Variants in MAP2 observed in about 807,000 individuals in gnomAD.
MAP2 encodes the protein microtubule-associated protein 2.
MAP2 carries 14 observed loss-of-function variants against 137.6 expected under a neutral mutation model. The observed-to-expected ratio is 0.10, with a 90% CI of 0.07 to 0.16. The LOEUF is 0.16. MAP2 is among the 10% of genes least tolerant of loss of function. The pLI, the probability that MAP2 is intolerant of heterozygous loss-of-function variation, is 1.00. For synonymous variants in MAP2, 786 were observed against 782.3 expected, an observed-to-expected ratio of 1.00 and a Z score of -0.08; for missense variants, 2,088 against 2,191.5, an observed-to-expected ratio of 0.95 and a Z score of 0.94.
intron 1 of MAP2, among the ~76,000 whole-genome samples, chr2:209,490,984 C>T (rs942564983): frequency 6.6e-6 from 1 of 152,174 alleles, no homozygotes; most frequent in Non-Finnish European, 1.5e-5. Flanking sequence ...CACCCCAAAT[C>T]AACTGAATAT....
At chr2:209,519,994 T>C (rs1172872606) in intron 2 of MAP2, among the ~76,000 whole-genome samples, 1 of 152,042 alleles carries the variant, frequency 6.6e-6, no homozygotes, top group Non-Finnish European at 1.5e-5. Flanking sequence ...AATTTCTACT[T>C]GAAATGTGTT....
chr2:209,524,792 G>A (rs1476188162), intron 2 of MAP2, among the ~76,000 whole-genome samples: 2 of 152,046 alleles, frequency 1.3e-5, no homozygotes, highest in Non-Finnish European at 2.9e-5. Flanking sequence ...ATTTATTTAT[G>A]AATAAGCTTC....
At chr2:209,451,399 C>G (rs1000873175) in intron 1 of MAP2, among the ~76,000 whole-genome samples, 2 of 152,114 alleles carry the variant, frequency 1.3e-5, no homozygotes, top group African/African-American at 4.8e-5. Flanking sequence ...TTTATTTCCC[C>G]CTTCCCTCCA....
intron 3 of MAP2, among the ~76,000 whole-genome samples, chr2:209,585,791 A>G (rs894391961): frequency 2.4e-4 from 36 of 152,184 alleles, no homozygotes; most frequent in African/African-American, 8.4e-4. Flanking sequence ...TTAAAACAAA[A>G]TCACTGTATT....
rs575507759 is a variant in MAP2 at position 209,704,303 on chromosome 2, C to T, written c.4585-1277C>T. 254 of 648,836 alleles carry T rather than the reference C, an allele frequency of 3.9e-4. 2 individuals carry two copies. In the Middle Eastern group the frequency reaches 5.4e-3, roughly 14 times the overall value. 40.2% of individuals were successfully genotyped at this position (648,836 alleles called of 1,614,324 possible). Reference sequence around the variant, plus strand: ...GAAAATCTCTTCTCATCTAAGTACACATCTCTATCATTGATTATAACCATT... The same window carrying T: ...GAAAATCTCTTCTCATCTAAGTACATATCTCTATCATTGATTATAACCATT... On this transcript the variant is annotated intron_variant, in intron 11 of 15. Transcript: ENST00000682079.
intron 3 of MAP2, among the ~76,000 whole-genome samples, chr2:209,590,149 A>G (rs1378875688): frequency 6.6e-6 from 1 of 152,078 alleles, no homozygotes; most frequent in Admixed American, 6.6e-5. Context: ...TTAGCACACC[A>G]GGGATACTGA....
At chr2:209,434,871 ATG>A (rs1695391202) in intron 1 of MAP2, among the ~76,000 whole-genome samples, 1 of 95,330 alleles carries the variant, frequency 1.0e-5, no homozygotes, top group African/African-American at 3.6e-5. Context: ...TGTTATATAT[ATG>A]TTATATATAT....
intron 3 of MAP2, among the ~76,000 whole-genome samples, chr2:209,610,024 G>A (rs942404825): frequency 1.3e-5 from 2 of 152,012 alleles, no homozygotes; most frequent in African/African-American, 4.8e-5. Flanking sequence ...CAGTTTAATT[G>A]GGAATAAGCT....
In MAP2 at chr2:209,651,720, G is replaced by A. The variant is rs1196005155; in HGVS notation, c.-29-1422G>A. 3.3e-5 allele frequency among the ~76,000 whole-genome samples: 5 copies of A among 152,152 alleles called. No homozygotes were observed. The East Asian group carries it at 5.8e-4, about 18-fold the overall frequency. ...GTTCTTAGGGAAAATAAATAGAGCT[G>A]TTTTGAGAATCAGTTTTGGGAGAGA... On this transcript the variant is annotated intron_variant, in intron 4 of 15. Transcript: ENST00000682079.
intron 2 of MAP2, among the ~76,000 whole-genome samples, chr2:209,508,684 A>G (rs1430045635): frequency 6.6e-6 from 1 of 151,676 alleles, no homozygotes; most frequent in Non-Finnish European, 1.5e-5. Flanking sequence ...ATCTGTATCG[A>G]ATGAAGCAAA....
intron 3 of MAP2, among the ~76,000 whole-genome samples, chr2:209,582,443 C>T (rs1191100542): frequency 6.6e-6 from 1 of 152,086 alleles, no homozygotes; most frequent in Non-Finnish European, 1.5e-5. Context: ...TGCCAAACTG[C>T]AGCCTGAGCT....
At position 209,731,585 on chromosome 2, in the gene MAP2, A is replaced by G. The variant is rs1353961386; in HGVS notation, c.*1188A>G. ...ACAGGATAGTTTGGGGTTTATTCCT[A>G]TTATTATTCATGAAACCGACTTAAG... On this transcript the variant is annotated 3_prime_UTR_variant, in exon 16 of 16. Transcript: ENST00000682079. 3 of 152,538 alleles carry G rather than the reference A, an allele frequency of 2.0e-5. No homozygotes were observed. The highest frequency in any genetic ancestry group is 4.4e-5 in the Non-Finnish European group (3 of 68,016). 9.4% of individuals were successfully genotyped at this position (152,538 alleles called of 1,614,324 possible).
intron 5 of MAP2, chr2:209,661,668 A>C: frequency 1.0e-6 from 1 of 985,464 alleles, no homozygotes. Flanking sequence ...TAGAAAAGGC[A>C]GTTCCACGAG....
chr2:209,710,065 A>G lies in MAP2; in HGVS notation c.4884A>G (p.Thr1628=). 6.2e-7 allele frequency: 1 copy of G among 1,613,808 alleles called. No homozygotes were observed. Among genetic ancestry groups the G allele is most frequent in the Non-Finnish European group, 8.5e-7 (1 of 1,179,958 alleles). Residue 1628 remains threonine, a synonymous_variant, in exon 13 of 16, where the codon ACA becomes ACG. Coordinates refer to ENST00000682079, the MANE Select transcript of MAP2 (RefSeq NM_001375505.1). ...GTPSYPRTPH[T]PGTPKSAILV... ...CTAGCTATCCCAGGACCCCTCACACACCAGGAACCCCCAAGTCTGCCATCT... is the reference window on the plus strand; with the variant it reads ...CTAGCTATCCCAGGACCCCTCACACGCCAGGAACCCCCAAGTCTGCCATCT...
chr2:209,425,885 C>A (rs200694508), intron 1 of MAP2, among the ~76,000 whole-genome samples: 4 of 152,234 alleles, frequency 2.6e-5, no homozygotes, highest in Non-Finnish European at 4.4e-5. Context: ...TAACACAAAG[C>A]AGCCCTTTAA....
rs1037543369 is a variant in MAP2, at chr2:209,434,909, T to TTA, written c.-222+10641_-222+10642dup. ...GTTATATATATGTTATATATATATG[T>TTA]TATATATATGTTATATATATATGTT... On this transcript the variant is annotated intron_variant, in intron 1 of 15. Coordinates refer to ENST00000682079, the MANE Select transcript of MAP2 (RefSeq NM_001375505.1). Among the ~76,000 whole-genome samples the TTA allele has an allele frequency of 2.1e-3, 279 of 134,748 alleles. 4 individuals are homozygous for TTA. The highest frequency in any genetic ancestry group is 8.1e-3 in the Middle Eastern group (2 of 248). 88.4% of individuals were successfully genotyped at this position (134,748 alleles called of 152,430 possible). A position where few individuals can be genotyped will look rare whatever the true frequency, so the allele number is the denominator to read the frequency against.
At chr2:209,628,199 C>T (rs1559440449) in intron 4 of MAP2, among the ~76,000 whole-genome samples, 1 of 152,102 alleles carries the variant, frequency 6.6e-6, no homozygotes, top group South Asian at 2.1e-4. Context: ...ACCCCCGTCT[C>T]TACTAAAAAT....
At chr2:209,599,211 T>C (rs2082279978) in intron 3 of MAP2, among the ~76,000 whole-genome samples, 1 of 152,066 alleles carries the variant, frequency 6.6e-6, no homozygotes, top group Admixed American at 6.5e-5. Context: ...ATGGTGAGCA[T>C]TTTTTCATGT....
At chr2:209,575,243 C>T (rs768795906) in intron 2 of MAP2, among the ~76,000 whole-genome samples, 21 of 151,798 alleles carry the variant, frequency 1.4e-4, no homozygotes, top group Non-Finnish European at 2.6e-4. Flanking sequence ...CAAGGAAGGC[C>T]GGGTGCGCTG....
Sources: allele counts gnomAD v4.1 joint callset (sites outside exome capture counted in the v4.1 genomes callset), GRCh38; gene constraint gnomAD v4.1.1; transcripts MANE v1.5; gene names NCBI Gene and HGNC (gene_info 2026-07-23, HGNC 2026-07-21).